MIX23: variants seen among roughly 807,000 people sequenced by gnomAD.
MIX23 encodes protein MIX23.
In MIX23, 13 loss-of-function variants were observed where a neutral mutation model predicts 21.6. The observed-to-expected ratio is 0.60, with a 90% CI of 0.39 to 0.96. The LOEUF is 0.96. Ranked by LOEUF, MIX23 falls within the 40% of genes least tolerant of loss-of-function variation. The pLI, the probability that MIX23 is intolerant of heterozygous loss-of-function variation, is 0.00. For missense variants in MIX23, 144 were observed against 171.2 expected (o/e 0.84, Z 0.89); for synonymous variants, 59 against 58.0 (o/e 1.02, Z -0.08).
intron 3 of MIX23, among the ~76,000 whole-genome samples, chr3:122,366,125 C>A (rs904372313): frequency 1.3e-5 from 2 of 151,838 alleles, no homozygotes; most frequent in African/African-American, 4.8e-5. Context: ...TTTCAGTGAG[C>A]CAAGATTGCA....
At chr3:122,379,818 C>T (rs1213930565) in intron 1 of MIX23, among the ~76,000 whole-genome samples, 1 of 152,234 alleles carries the variant, frequency 6.6e-6, no homozygotes, top group African/African-American at 2.4e-5. Context: ...GTACTCCCAG[C>T]TTCTTCTATC....
At chr3:122,379,933 CT>C (rs1262703183) in intron 1 of MIX23, among the ~76,000 whole-genome samples, 5 of 152,062 alleles carry the variant, frequency 3.3e-5, no homozygotes, top group African/African-American at 1.2e-4. Flanking sequence ...CATTTTATGT[CT>C]TCTCTGTAAT....
At chr3:122,363,438 TATACTC>T (rs1035174233) in intron 3 of MIX23, among the ~76,000 whole-genome samples, 6 of 151,874 alleles carry the variant, frequency 4.0e-5, no homozygotes, top group African/African-American at 1.5e-4. Flanking sequence ...CGTGAAAAGA[TATACTC>T]ATATATTCTT....
chr3:122,365,052 G>T (rs1285727416), intron 3 of MIX23, among the ~76,000 whole-genome samples: 2 of 152,136 alleles, frequency 1.3e-5, no homozygotes, highest in African/African-American at 4.8e-5. Context: ...TTTTATCAGT[G>T]CTACCAACAA....
intron 2 of MIX23, 83 bp downstream of exon 2, chr3:122,371,592 G>A: frequency 6.8e-7 from 1 of 1,460,324 alleles, no homozygotes; most frequent in Non-Finnish European, 9.6e-7. Context: ...TTTAGTCACA[G>A]TCGAGTTACA....
At chr3:122,371,176 C>A (rs897310827) in intron 2 of MIX23, among the ~76,000 whole-genome samples, 2 of 152,136 alleles carry the variant, frequency 1.3e-5, no homozygotes, top group Admixed American at 1.3e-4. Context: ...CTTGAGAAAC[C>A]AAAGCCTCAG....
At chr3:122,381,728 TAAA>T (rs55955834) in intron 1 of MIX23, among the ~76,000 whole-genome samples, 252 of 130,322 alleles carry the variant, frequency 1.9e-3, no homozygotes, top group African/African-American at 5.6e-3. Flanking sequence ...AAAAAAAAAA[TAAA>T]AAAAAAAAAA....
chr3:122,374,173 A>G (rs2075465523), intron 1 of MIX23, among the ~76,000 whole-genome samples: 1 of 151,318 alleles, frequency 6.6e-6, no homozygotes, highest in Non-Finnish European at 1.5e-5. Flanking sequence ...CGCTATCTAA[A>G]CTGAACTGAT....
At chr3:122,377,742 G>A (rs1255193691) in intron 1 of MIX23, among the ~76,000 whole-genome samples, 2 of 152,138 alleles carry the variant, frequency 1.3e-5, no homozygotes, top group Non-Finnish European at 2.9e-5. Context: ...TAGCTACTTG[G>A]GATGCTGGGG....
chr3:122,366,578 T>C (rs2075398284), intron 3 of MIX23: 1 of 152,210 alleles, frequency 6.6e-6, no homozygotes, highest in Admixed American at 6.5e-5. Flanking sequence ...ACTTCATGAC[T>C]GTGCAGTATG....
chr3:122,377,053 C>T (rs1262468606), intron 1 of MIX23, among the ~76,000 whole-genome samples: 1 of 152,120 alleles, frequency 6.6e-6, no homozygotes, highest in Non-Finnish European at 1.5e-5. Flanking sequence ...TGGTGGCGCA[C>T]ACCTGTAGTC....
intron 2 of MIX23, among the ~76,000 whole-genome samples, chr3:122,371,268 G>T (rs554815003): frequency 6.6e-6 from 1 of 152,346 alleles, no homozygotes; most frequent in African/African-American, 2.4e-5. Flanking sequence ...GTGAGAAAAA[G>T]AAGGTTTAAA....
chr3:122,371,597 G>C, intron 2 of MIX23, 78 bp downstream of exon 2: 1 of 1,495,230 alleles, frequency 6.7e-7, no homozygotes, highest in Non-Finnish European at 9.3e-7. Flanking sequence ...TCACAGTCGA[G>C]TTACAAGATA....
chr3:122,371,354 T>C (rs961297510), intron 2 of MIX23, among the ~76,000 whole-genome samples: 1 of 152,238 alleles, frequency 6.6e-6, no homozygotes, highest in Non-Finnish European at 1.5e-5. Context: ...TTCCTTGCTC[T>C]TGTTACTGTT....
rs915216887 is a variant in MIX23 at position 122,363,066 on chromosome 3, G to A, written c.325-39C>T. ...AAAAATTGAAGTTATAAAATTTAAA[G>A]AGCAAGAAAAAAAACTGAAGTTATA... is the stretch of plus-strand genomic sequence containing the variant. On this transcript the variant is annotated intron_variant, in intron 3 of 4. Transcript: ENST00000291458. 11 of 1,545,830 alleles carry A rather than the reference G, an allele frequency of 7.1e-6. No homozygotes were observed. The African/African-American group carries it at 1.5e-4, about 21-fold the overall frequency.
At chr3:122,373,028 C>T (rs1399813276) in intron 1 of MIX23, 2 of 409,188 alleles carry the variant, frequency 4.9e-6, no homozygotes, top group Non-Finnish European at 9.7e-6. Context: ...CCTTTCTTTC[C>T]TCGTCCATTT....
At chr3:122,372,775 G>A (rs1394711255) in intron 1 of MIX23, among the ~76,000 whole-genome samples, 1 of 152,066 alleles carries the variant, frequency 6.6e-6, no homozygotes, top group African/African-American at 2.4e-5. Flanking sequence ...AGGCTGCAGT[G>A]AGCTATGATC....
At chr3:122,370,910 T>C (rs193180195) in intron 2 of MIX23, among the ~76,000 whole-genome samples, 168 of 152,370 alleles carry the variant, frequency 1.1e-3, no homozygotes, top group Middle Eastern at 3.4e-3. Flanking sequence ...TGAATTTAAC[T>C]GACATGGATA....
chr3:122,364,621 C>T (rs2075382791), intron 3 of MIX23, among the ~76,000 whole-genome samples: 1 of 152,138 alleles, frequency 6.6e-6, no homozygotes, highest in African/African-American at 2.4e-5. Context: ...TTAGAACTGT[C>T]CAAAAGAGAA....
Sources: gnomAD v4.1 joint callset for allele counts (sites outside exome capture counted in the v4.1 genomes callset) on GRCh38, gnomAD v4.1.1 for gene constraint, MANE v1.5 for transcripts, NCBI Gene and HGNC (gene_info 2026-07-23, HGNC 2026-07-21) for gene names.